Variants in ZNF268 observed in about 807,000 individuals in gnomAD.
The protein encoded by ZNF268 is zinc finger protein 268, also known as zinc finger protein 3.
A neutral mutation model predicts 29.3 loss-of-function variants in ZNF268; 20 were observed. That is an observed-to-expected ratio of 0.68 (90% CI 0.48 to 0.99). The LOEUF (loss-of-function observed/expected upper bound fraction) is 0.99, where lower values mean the gene tolerates loss of function less well. Ranked by LOEUF, ZNF268 falls within the 50% of genes least tolerant of loss-of-function variation. The pLI, the probability that ZNF268 is intolerant of heterozygous loss-of-function variation, is 0.00. For synonymous variants in ZNF268, 429 were observed against 376.9 expected (o/e 1.14, Z -1.60); for missense variants, 1,240 against 1,121.6 (o/e 1.11, Z -1.51).
chr12:133,184,305 T>C (rs1366578827), intron 2 of ZNF268, among the ~76,000 whole-genome samples: 1 of 151,970 alleles, frequency 6.6e-6, no homozygotes, highest in African/African-American at 2.4e-5. Flanking sequence ...CGTGGTTTCA[T>C]TGTGTTGGCC....
rs754509125 is a variant in ZNF268 at position 133,205,370 on chromosome 12, C to T, written c.*840C>T. On this transcript the variant is annotated 3_prime_UTR_variant, in exon 6 of 6. Transcript: ENST00000536435. ...AGGTTAAGAATAAGAAATAACATCC[C>T]AGAGCCTACAGGGATATTTAGATAT... 24 of 151,710 alleles carry T rather than the reference C, an allele frequency of 1.6e-4. No individual in the cohort carries two copies. Among genetic ancestry groups the T allele is most frequent in the Non-Finnish European group, 2.9e-4 (20 of 67,936 alleles). The allele number at this position is 151,710 out of a possible 1,614,324, so 9.4% of individuals were successfully genotyped here. A position where few individuals can be genotyped will look rare whatever the true frequency, so the allele number is the denominator to read the frequency against.
At chr12:133,189,506 C>T (rs951382539) in intron 3 of ZNF268, among the ~76,000 whole-genome samples, 12 of 152,146 alleles carry the variant, frequency 7.9e-5, no homozygotes, top group African/African-American at 2.9e-4. Context: ...TGAGCCACGG[C>T]ATCCAGCTAG....
intron 5 of ZNF268, 42 bp from the exon 6 acceptor site, chr12:133,202,102 T>C: frequency 6.8e-7 from 1 of 1,474,676 alleles, no homozygotes. Context: ...TATACCGCAA[T>C]CATGTGATTT....
chr12:133,184,956 G>T (rs547186597), intron 2 of ZNF268, among the ~76,000 whole-genome samples: 2 of 152,234 alleles, frequency 1.3e-5, no homozygotes, highest in African/African-American at 4.8e-5. Context: ...GGCCAAGGTG[G>T]GCAGATCATC....
intron 5 of ZNF268, among the ~76,000 whole-genome samples, chr12:133,195,371 C>G (rs1428202120): frequency 6.6e-6 from 1 of 152,114 alleles, no homozygotes; most frequent in Non-Finnish European, 1.5e-5. Flanking sequence ...AATCTTCAAG[C>G]TTAAGAATGC....
intron 5 of ZNF268, among the ~76,000 whole-genome samples, chr12:133,199,948 A>G (rs979289468): frequency 2.0e-5 from 3 of 152,060 alleles, no homozygotes; most frequent in Non-Finnish European, 2.9e-5. Context: ...CTAGCGGTCT[A>G]TCAATTTTGT....
Position 133,211,237 on chromosome 12 carries a change from A to C in ZNF268, c.*6707A>C, listed in dbSNP as rs1020704824. 21 of 356,110 alleles carry C rather than the reference A, an allele frequency of 5.9e-5. No individual in the cohort carries two copies. The highest frequency in any genetic ancestry group is 2.9e-4 in the East Asian group (4 of 13,566). 22.1% of individuals were successfully genotyped at this position (356,110 alleles called of 1,614,324 possible). On this transcript the variant is annotated 3_prime_UTR_variant, in exon 6 of 6. Coordinates refer to ENST00000536435, the MANE Select transcript of ZNF268 (RefSeq NM_003415.3). ...AAAAAAACCCTAAAATTGAACAAGA[A>C]GACAACCCAATTAAAAATGGGGACA... is the stretch of plus-strand genomic sequence containing the variant.
rs780442750 is a variant in ZNF268 at position 133,205,702 on chromosome 12, A to G, written c.*1172A>G. 6.6e-6 allele frequency: 1 copy of G among 152,218 alleles called. No homozygotes were observed. The highest frequency in any genetic ancestry group is 1.5e-5 in the Non-Finnish European group (1 of 68,038). 9.4% of individuals were successfully genotyped at this position (152,218 alleles called of 1,614,324 possible). On this transcript the variant is annotated 3_prime_UTR_variant, in exon 6 of 6. Transcript: ENST00000536435. ...TTGGCAGCAACCTCTTTAGTAATCA[A>G]TATAAGGCACACTTCATGTGTTTGT...
At chr12:133,190,157 A>G (rs969318942) in intron 3 of ZNF268, among the ~76,000 whole-genome samples, 3 of 152,222 alleles carry the variant, frequency 2.0e-5, no homozygotes, top group Admixed American at 1.3e-4. Flanking sequence ...CTTCCAAGGA[A>G]TATGTCCTTT....
chr12:133,195,748 C>T lies in ZNF268; in HGVS notation c.457+3745C>T, dbSNP rs537691121. 9.9e-5 allele frequency among the ~76,000 whole-genome samples: 15 copies of T among 151,726 alleles called. No homozygotes were observed. The South Asian group carries it at 1.9e-3, about 19-fold the overall frequency. ...TTTGTTTTTTTTTGAGACAGAGTCT[C>T]GCTCTGTTGCCTAGGCTGGAGTGCA... On this transcript the variant is annotated intron_variant, in intron 5 of 5. Coordinates refer to ENST00000536435, the MANE Select transcript of ZNF268 (RefSeq NM_003415.3).
chr12:133,186,530 C>T (rs142016163), intron 2 of ZNF268, among the ~76,000 whole-genome samples: 3 of 151,972 alleles, frequency 2.0e-5, no homozygotes, highest in East Asian at 1.9e-4. Context: ...TACGCTGCCA[C>T]GCCTGGCTGA....
intron 5 of ZNF268, among the ~76,000 whole-genome samples, chr12:133,193,038 G>A (rs1208513126): frequency 1.3e-5 from 2 of 152,210 alleles, no homozygotes; most frequent in Non-Finnish European, 2.9e-5. Context: ...TGATCCTGCA[G>A]TGACACCTGT....
chr12:133,184,773 T>C (rs753856255), intron 2 of ZNF268: 34 of 432,352 alleles, frequency 7.9e-5, no homozygotes, highest in Non-Finnish European at 1.4e-4. Context: ...CGCACCACCA[T>C]GCCCAGCTAA....
Position 133,191,314 on chromosome 12 carries a change from C to G in ZNF268, c.235-175C>G, listed in dbSNP as rs1208474245. On this transcript the variant is annotated intron_variant, in intron 3 of 5. Transcript: ENST00000536435. ...CCTGGGCAGCAGAGTGAGACTCTGT[C>G]TCAACAAAAAAAAAAAAAGAAAGAA... 1.5e-4 allele frequency: 99 copies of G among 667,040 alleles called. 7 individuals carry two copies. In the South Asian group the frequency reaches 1.9e-3, roughly 13 times the overall value. The allele number at this position is 667,040 out of a possible 1,614,324, so 41.3% of individuals were successfully genotyped here.
Position 133,208,616 on chromosome 12 carries a change from C to T in ZNF268, c.*4086C>T, listed in dbSNP as rs1434562198. The T allele has an allele frequency of 1.3e-5, 2 of 152,036 alleles. No homozygotes were observed. Among genetic ancestry groups the T allele is most frequent in the Non-Finnish European group, 2.9e-5 (2 of 68,040 alleles). 9.4% of individuals were successfully genotyped at this position (152,036 alleles called of 1,614,324 possible). The stretch of plus-strand genomic sequence containing the variant: ...GCTACAGTGAGCTATGATCATGCCC[C>T]TGCACTCCATCCTGGGCAACAAAGT... On this transcript the variant is annotated 3_prime_UTR_variant, in exon 6 of 6. Coordinates refer to ENST00000536435, the MANE Select transcript of ZNF268 (RefSeq NM_003415.3).
At chr12:133,183,947 C>G (rs1443951339) in intron 2 of ZNF268, among the ~76,000 whole-genome samples, 1 of 152,166 alleles carries the variant, frequency 6.6e-6, no homozygotes, top group African/African-American at 2.4e-5. Flanking sequence ...TGAGGGAGAT[C>G]AAGTAATATT....
At chr12:133,196,329 A>C (rs1437318376) in intron 5 of ZNF268, among the ~76,000 whole-genome samples, 1 of 151,754 alleles carries the variant, frequency 6.6e-6, no homozygotes, top group African/African-American at 2.4e-5. Context: ...TAAAAAAAAA[A>C]AAAAAAAAAA....
rs1214097096 is a variant in ZNF268, at chr12:133,212,534, C to CAT, written c.*8012_*8013dup. 3.4e-4 allele frequency: 49 copies of CAT among 142,324 alleles called. No homozygotes were observed. Among genetic ancestry groups the CAT allele is most frequent in the Admixed American group, 8.5e-4 (12 of 14,176 alleles). The allele number at this position is 142,324 out of a possible 1,614,324, so 8.8% of individuals were successfully genotyped here. ...ACACACACATACACACATATATACA[C>CAT]ATATATATACACATATACACATATA... On this transcript the variant is annotated 3_prime_UTR_variant, in exon 6 of 6. Transcript: ENST00000536435.
In ZNF268 at chr12:133,212,516, C is replaced by T. The variant is rs1483075222; in HGVS notation, c.*7986C>T. On this transcript the variant is annotated 3_prime_UTR_variant, in exon 6 of 6. Transcript: ENST00000536435. ...ATATATATGTATATATACACACACA[C>T]ATACACACATATATACACATATATA... The T allele has an allele frequency of 9.3e-4, 63 of 67,574 alleles. 2 individuals carry two copies. Among genetic ancestry groups the T allele is most frequent in the African/African-American group, 2.8e-3 (50 of 17,922 alleles). The allele number at this position is 67,574 out of a possible 1,614,324, so 4.2% of individuals were successfully genotyped here. A position where few individuals can be genotyped will look rare whatever the true frequency, so the allele number is the denominator to read the frequency against.
Sources: gnomAD v4.1 joint callset for allele counts (sites outside exome capture counted in the v4.1 genomes callset) on GRCh38, gnomAD v4.1.1 for gene constraint, MANE v1.5 for transcripts, NCBI Gene and HGNC (gene_info 2026-07-23, HGNC 2026-07-21) for gene names.